Variants in PRR14L observed in about 807,000 individuals in gnomAD.
PRR14L encodes the protein proline rich 14 like, also known as protein PRR14L.
PRR14L carries 80 observed loss-of-function variants against 155.0 expected under a neutral mutation model. The observed-to-expected ratio is 0.52, with a 90% CI of 0.43 to 0.62. PRR14L has a LOEUF of 0.62. Ranked by LOEUF, PRR14L falls within the 20% of genes least tolerant of loss-of-function variation. The pLI, the probability that PRR14L is intolerant of heterozygous loss-of-function variation, is 0.00. For missense variants in PRR14L, 2,469 were observed against 2,548.0 expected (o/e 0.97, Z 0.67); for synonymous variants, 883 against 916.0 (o/e 0.96, Z 0.65).
chr22:31,714,721 C>G lies in PRR14L; in HGVS notation c.3118G>C (p.Val1040Leu), dbSNP rs1376095689. 1.3e-6 allele frequency: 2 copies of G among 1,552,402 alleles called. No individual in the cohort carries two copies. The highest frequency in any genetic ancestry group is 4.9e-5 in the East Asian group (2 of 40,932). The change falls in exon 4 of 9, where the codon GTC (valine) becomes CTC (leucine). Residue 1040 changes from valine to leucine, a missense_variant. Physicochemically the swap from Val to Leu is conservative, Grantham distance 32. Coordinates refer to ENST00000327423, the MANE Select transcript of PRR14L (RefSeq NM_173566.3). ...GACTCATCACAACCAGACATCTTGA[C>G]AAAGGCTCCTTTCAAATTGCATTTC... is the stretch of plus-strand genomic sequence containing the variant. Reference protein sequence around the residue: ...PKKCNLKGAFVKMSGCDESTE... With the variant: ...PKKCNLKGAFLKMSGCDESTE...
chr22:31,727,733 G>C (rs1266058019), intron 2 of PRR14L, among the ~76,000 whole-genome samples: 1 of 152,014 alleles, frequency 6.6e-6, no homozygotes, highest in Non-Finnish European at 1.5e-5. Flanking sequence ...TTTAATCCCA[G>C]CACTTTGGGA....
chr22:31,700,016 AGGATCT>A (rs1356233378), intron 7 of PRR14L, among the ~76,000 whole-genome samples: 4 of 152,294 alleles, frequency 2.6e-5, no homozygotes, highest in Admixed American at 2.0e-4. Context: ...TAAGGGAAAG[AGGATCT>A]GGCATTTGAC....
intron 7 of PRR14L, among the ~76,000 whole-genome samples, chr22:31,692,319 C>T (rs983964807): frequency 6.6e-6 from 1 of 152,074 alleles, no homozygotes. Flanking sequence ...TCTCCACACC[C>T]TTACTACACT....
intron 4 of PRR14L, among the ~76,000 whole-genome samples, chr22:31,708,548 A>G (rs1026460490): frequency 6.6e-6 from 1 of 152,000 alleles, no homozygotes; most frequent in African/African-American, 2.4e-5. Flanking sequence ...GCTGGTCCTG[A>G]ATTCCTGACC....
At chr22:31,687,022 C>T (rs547328829) in intron 8 of PRR14L, among the ~76,000 whole-genome samples, 2 of 152,206 alleles carry the variant, frequency 1.3e-5, no homozygotes, top group East Asian at 3.9e-4. Context: ...ACACAAACTA[C>T]TTGTTTATAC....
intron 7 of PRR14L, among the ~76,000 whole-genome samples, chr22:31,688,901 T>TACACACACACACACACACAC (rs149232375): frequency 4.7e-5 from 7 of 147,862 alleles, no homozygotes; most frequent in African/African-American, 1.5e-4. Context: ...AATATATACA[T>TACACACACACACACACACAC]ACACACACAC....
intron 2 of PRR14L, among the ~76,000 whole-genome samples, chr22:31,735,230 G>A (rs1408380788): frequency 1.3e-5 from 2 of 152,196 alleles, no homozygotes; most frequent in African/African-American, 4.8e-5. Context: ...ACGAAGTCAG[G>A]AGATCGAGAC....
rs368046111 is a variant in PRR14L, at chr22:31,712,369, G to C, written c.5470C>G (p.Leu1824Val). The change falls in exon 4 of 9, where the codon CTA (leucine) becomes GTA (valine). Residue 1824 changes from leucine to valine, a missense_variant. By Grantham distance (32) the Leu-to-Val change is conservative. This residue lies in a region of PRR14L where 2,363 missense variants were observed against 2,371.6 expected (regional missense o/e 1.00). Coordinates refer to ENST00000327423, the MANE Select transcript of PRR14L (RefSeq NM_173566.3). The part of the protein sequence containing the change: ...DCSVLGLHTL[L>V]ALCSPGCYRI... ...TAACATCCTGGGGAACAAAGTGCTA[G>C]AAGTGTGTGAAGGCCAAGGACAGAG... 5 of 1,611,962 alleles carry C rather than the reference G, an allele frequency of 3.1e-6. No homozygotes were observed. The African/African-American group carries it at 6.7e-5, about 22-fold the overall frequency.
intron 7 of PRR14L, among the ~76,000 whole-genome samples, chr22:31,688,577 T>C (rs1280130146): frequency 6.6e-6 from 1 of 152,164 alleles, no homozygotes; most frequent in African/African-American, 2.4e-5. Flanking sequence ...TGTACTGGAT[T>C]TTCTTTTCCA....
At chr22:31,708,374 T>C (rs927607070) in intron 4 of PRR14L, among the ~76,000 whole-genome samples, 2 of 152,026 alleles carry the variant, frequency 1.3e-5, no homozygotes, top group African/African-American at 4.8e-5. Flanking sequence ...TCGCCCAGGC[T>C]GGAGTGCAGT....
chr22:31,717,697 AG>A (rs968374628), intron 3 of PRR14L, among the ~76,000 whole-genome samples: 19 of 152,348 alleles, frequency 1.2e-4, no homozygotes, highest in Middle Eastern at 3.4e-3. Context: ...ACTTGAAATT[AG>A]ATGTCATCGA....
At chr22:31,743,874 G>C (rs192014305) in intron 1 of PRR14L, among the ~76,000 whole-genome samples, 133 of 151,312 alleles carry the variant, frequency 8.8e-4, no homozygotes, top group African/African-American at 3.1e-3. Context: ...TCACTTGCAA[G>C]AATGGCACCC....
At chr22:31,731,449 T>G (rs2074749184) in intron 2 of PRR14L, among the ~76,000 whole-genome samples, 1 of 150,848 alleles carries the variant, frequency 6.6e-6, no homozygotes, top group Non-Finnish European at 1.5e-5. Context: ...GAGCCTGTAG[T>G]CCCAGATACT....
chr22:31,745,776 G>A (rs1375579553), intron 1 of PRR14L, among the ~76,000 whole-genome samples: 1 of 151,510 alleles, frequency 6.6e-6, no homozygotes, highest in Non-Finnish European at 1.5e-5. Context: ...GAACCTGGGA[G>A]GCAGAGGTTG....
chr22:31,731,549 CAGAGTGAG>C (rs1163912217), intron 2 of PRR14L, among the ~76,000 whole-genome samples: 1 of 114,104 alleles, frequency 8.8e-6, no homozygotes, highest in Non-Finnish European at 1.6e-5. Context: ...GCCTGCGTGA[CAGAGTGAG>C]ACTGTCTCAA....
intron 4 of PRR14L, among the ~76,000 whole-genome samples, chr22:31,709,025 G>A (rs1406275474): frequency 6.6e-5 from 10 of 151,872 alleles, no homozygotes; most frequent in Non-Finnish European, 5.9e-5. Flanking sequence ...GTTTCTCCAC[G>A]TTGGTCAGGC....
At chr22:31,739,481 C>A (rs1431005765) in intron 1 of PRR14L, among the ~76,000 whole-genome samples, 2 of 152,188 alleles carry the variant, frequency 1.3e-5, no homozygotes, top group African/African-American at 4.8e-5. Context: ...CAGGCTAGCA[C>A]AAGACACTAC....
chr22:31,717,071 G>A lies in PRR14L; in HGVS notation c.768C>T (p.Thr256=), dbSNP rs562202291. The A allele has an allele frequency of 6.4e-6, 10 of 1,551,884 alleles. No individual in the cohort carries two copies. The South Asian group carries it at 1.2e-4, about 18-fold the overall frequency. ...CTTCTGTTAATACAGGGTCCACAAA[G>A]GTTAAAGGTTCTGGGGTAACTAATG... ...TSTLVTPEPL[T]FVDPVLTEAT... Residue 256 remains threonine, a synonymous_variant, in exon 4 of 9, where the codon ACC becomes ACT. Coordinates refer to ENST00000327423, the MANE Select transcript of PRR14L (RefSeq NM_173566.3).
intron 1 of PRR14L, among the ~76,000 whole-genome samples, chr22:31,739,529 T>C (rs1291193719): frequency 1.3e-5 from 2 of 152,216 alleles, no homozygotes; most frequent in Non-Finnish European, 1.5e-5. Context: ...CTGATTTTTA[T>C]CCTGCATCTT....
Sources: gnomAD v4.1 joint callset for allele counts (sites outside exome capture counted in the v4.1 genomes callset) on GRCh38, gnomAD v4.1.1 for gene constraint, gnomAD v4.1.1 regional missense constraint, MANE v1.5 for transcripts, NCBI Gene and HGNC (gene_info 2026-07-23, HGNC 2026-07-21) for gene names.